KCNIP4: variants seen among roughly 807,000 people sequenced by gnomAD.
KCNIP4 encodes the protein Kv channel-interacting protein 4.
KCNIP4 carries 12 observed loss-of-function variants against 34.0 expected under a neutral mutation model. The ratio of observed to expected loss-of-function variants is 0.35; its 90% CI spans 0.23 to 0.57. The LOEUF is 0.57. Among genes scored for constraint, KCNIP4 ranks in the 20% least tolerant of loss-of-function variants. The pLI is 0.83. For synonymous variants in KCNIP4, 124 were observed against 102.2 expected, an observed-to-expected ratio of 1.21 and a Z score of -1.29; for missense variants, 238 against 311.7, an observed-to-expected ratio of 0.76 and a Z score of 1.78.
chr4:21,931,262 T>C (rs1729547895), intron 1 of KCNIP4, among the ~76,000 whole-genome samples: 1 of 151,734 alleles, frequency 6.6e-6, no homozygotes, highest in Non-Finnish European at 1.5e-5. Context: ...AAAACTATCC[T>C]TTTCTTTGTT....
At chr4:21,378,265 C>T (rs1026693746) in intron 1 of KCNIP4, among the ~76,000 whole-genome samples, 2 of 152,192 alleles carry the variant, frequency 1.3e-5, no homozygotes, top group Non-Finnish European at 2.9e-5. Flanking sequence ...ATATATTTCA[C>T]TGCCTCTTTA....
intron 1 of KCNIP4, among the ~76,000 whole-genome samples, chr4:21,285,208 A>T (rs1273129780): frequency 6.6e-6 from 1 of 152,192 alleles, no homozygotes; most frequent in Non-Finnish European, 1.5e-5. Context: ...AATTACATGC[A>T]TTATTTAAAT....
In KCNIP4 at chr4:21,151,838, AG is replaced by A. The variant is rs372761854; in HGVS notation, c.62-269130del. Among the ~76,000 whole-genome samples the A allele has an allele frequency of 6.9e-3, 1,054 of 152,272 alleles. 15 individuals carry two copies. The highest frequency in any genetic ancestry group is 0.024 in the African/African-American group (997 of 41,572). ...AGGCTCTGAAAAGTTCTCCTTGCAC[AG>A]GGACAACATTGTCGGGACTTAGCCC... On this transcript the variant is annotated intron_variant, in intron 1 of 8. Transcript: ENST00000382152.
At chr4:21,288,195 G>T (rs73249541) in intron 1 of KCNIP4, among the ~76,000 whole-genome samples, 13,372 of 152,164 alleles carry the variant, frequency 0.088, 791 homozygotes, top group Admixed American at 0.2. Flanking sequence ...ATGAGGATTA[G>T]CCAGGTGGGG....
At chr4:20,930,761 A>C (rs1730372164) in intron 1 of KCNIP4, among the ~76,000 whole-genome samples, 1 of 151,986 alleles carries the variant, frequency 6.6e-6, no homozygotes, top group Admixed American at 6.6e-5. Context: ...AAAGGTATAC[A>C]ACATTGCTAA....
chr4:21,184,514 T>C (rs1456131327), intron 1 of KCNIP4, among the ~76,000 whole-genome samples: 2 of 152,146 alleles, frequency 1.3e-5, no homozygotes, highest in African/African-American at 2.4e-5. Flanking sequence ...AGAAATTCGC[T>C]ATTACGTAAT....
At chr4:20,863,281 T>A (rs78616909) in intron 2 of KCNIP4, among the ~76,000 whole-genome samples, 49,591 of 151,470 alleles carry the variant, frequency 0.33, 8,381 homozygotes, top group African/African-American at 0.39. Context: ...AGGGGGCTCA[T>A]AGTGCGGTTT....
chr4:21,653,166 G>T (rs1325284699), intron 1 of KCNIP4, among the ~76,000 whole-genome samples: 4 of 152,182 alleles, frequency 2.6e-5, no homozygotes, highest in African/African-American at 9.7e-5. Flanking sequence ...CAATGTATCT[G>T]TTTGTACATA....
chr4:21,465,138 T>C (rs995938967), intron 1 of KCNIP4, among the ~76,000 whole-genome samples: 8 of 152,126 alleles, frequency 5.3e-5, no homozygotes, highest in Non-Finnish European at 1.2e-4. Flanking sequence ...TTTCTGCTAT[T>C]TCAGGAAAGA....
At chr4:20,966,099 A>T (rs1734317294) in intron 1 of KCNIP4, among the ~76,000 whole-genome samples, 1 of 152,188 alleles carries the variant, frequency 6.6e-6, no homozygotes, top group Non-Finnish European at 1.5e-5. Flanking sequence ...AATGCACCAG[A>T]GATATTTAGG....
At chr4:21,021,173 A>G (rs1740001771) in intron 1 of KCNIP4, among the ~76,000 whole-genome samples, 2 of 152,210 alleles carry the variant, frequency 1.3e-5, no homozygotes. Context: ...GTATTTGTGT[A>G]TTTTAACATA....
intron 1 of KCNIP4, among the ~76,000 whole-genome samples, chr4:21,841,699 T>C (rs1333054195): frequency 1.3e-5 from 2 of 152,120 alleles, no homozygotes; most frequent in Non-Finnish European, 2.9e-5. Flanking sequence ...TGTTTTGAAA[T>C]TTTCTGAAGG....
intron 3 of KCNIP4, among the ~76,000 whole-genome samples, chr4:20,845,260 C>T (rs1720223817): frequency 6.6e-6 from 1 of 152,122 alleles, no homozygotes; most frequent in Non-Finnish European, 1.5e-5. Flanking sequence ...AGGAAAACCA[C>T]TAAAGAAGAA....
intron 1 of KCNIP4, among the ~76,000 whole-genome samples, chr4:20,885,767 A>T (rs546363342): frequency 7.6e-4 from 116 of 152,320 alleles, no homozygotes; most frequent in African/African-American, 2.5e-3. Context: ...TGACAGCCAC[A>T]TAATGCAGTC....
intron 1 of KCNIP4, among the ~76,000 whole-genome samples, chr4:20,942,922 T>C (rs999709169): frequency 6.6e-6 from 1 of 152,162 alleles, no homozygotes; most frequent in African/African-American, 2.4e-5. Context: ...TCCACCTGCC[T>C]CGGCCTCTCA....
chr4:20,901,943 C>G (rs1056149768), intron 1 of KCNIP4, among the ~76,000 whole-genome samples: 1 of 151,588 alleles, frequency 6.6e-6, no homozygotes, highest in Admixed American at 6.6e-5. Context: ...TAGATTTTCA[C>G]TAAGTCATTC....
intron 1 of KCNIP4, among the ~76,000 whole-genome samples, chr4:21,254,121 A>G (rs1211561756): frequency 1.3e-5 from 2 of 152,222 alleles, no homozygotes; most frequent in Non-Finnish European, 2.9e-5. Flanking sequence ...TTGGAACTAG[A>G]TTGAAAATGT....
At chr4:21,292,856 T>G (rs1048997286) in intron 1 of KCNIP4, among the ~76,000 whole-genome samples, 2 of 152,098 alleles carry the variant, frequency 1.3e-5, no homozygotes, top group Admixed American at 6.5e-5. Context: ...CTTTACAATA[T>G]CAGGGACCTC....
intron 1 of KCNIP4, among the ~76,000 whole-genome samples, chr4:21,862,198 T>C (rs1725116843): frequency 6.6e-6 from 1 of 152,196 alleles, no homozygotes; most frequent in Non-Finnish European, 1.5e-5. Context: ...TACTTTAGGC[T>C]GCTTTACTTT....
Sources: gnomAD v4.1 joint callset for allele counts (sites outside exome capture counted in the v4.1 genomes callset) on GRCh38, gnomAD v4.1.1 for gene constraint, MANE v1.5 for transcripts, NCBI Gene and HGNC (gene_info 2026-07-23, HGNC 2026-07-21) for gene names.